PGLYRP4: variants seen among roughly 807,000 people sequenced by gnomAD.
PGLYRP4 encodes the protein peptidoglycan recognition protein 4.
Under a neutral mutation model 41.2 loss-of-function variants are expected in PGLYRP4, and 39 were observed. That is an observed-to-expected ratio of 0.95 (90% CI 0.73 to 1.24). The LOEUF (loss-of-function observed/expected upper bound fraction) is 1.24. Ranked by LOEUF, PGLYRP4 falls within the 50% of genes most tolerant of loss-of-function variation. The probability of loss-of-function intolerance (pLI) is 0.00; values close to 1 mark genes in which losing one functional copy is unlikely to be tolerated. For synonymous variants in PGLYRP4, 202 were observed against 186.8 expected (o/e 1.08, Z -0.66); for missense variants, 467 against 460.7 (o/e 1.01, Z -0.13).
chr1:153,347,012 A>G (rs1373309606), intron 2 of PGLYRP4, among the ~76,000 whole-genome samples: 2 of 152,136 alleles, frequency 1.3e-5, no homozygotes, highest in African/African-American at 2.4e-5. Flanking sequence ...CTCTATGTAC[A>G]ATCTATTCTT....
chr1:153,340,425 CTG>C lies in PGLYRP4; in HGVS notation c.778_779del (p.Gln260ValfsTer15). The C allele has an allele frequency of 6.2e-7, 1 of 1,614,204 alleles. No individual in the cohort carries two copies. The highest frequency in any genetic ancestry group is 1.1e-5 in the South Asian group (1 of 91,078). On this transcript the variant is annotated frameshift_variant, in exon 7 of 9. Transcript: ENST00000359650. LOFTEE classifies it high-confidence loss of function. ...ACTTGAGCCTGTCTATGTAGAAAGA[CTG>C]GATGTCCCGGACCAGCAGGCGGCAC... Reference protein sequence around the residue: ...DECRLLVRDIQSFYIDRLKSC... With the variant: ...DECRLLVRDIXSFYIDRLKSC...
chr1:153,343,302 T>C lies in PGLYRP4; in HGVS notation c.354-94A>G. ...ACCCAGCCTCAAAATGGAGAAGGACTGAAGCTATGTTCACTAAAAGGAATT... is the reference window on the plus strand; with the variant it reads ...ACCCAGCCTCAAAATGGAGAAGGACCGAAGCTATGTTCACTAAAAGGAATT... On this transcript the variant is annotated intron_variant, in intron 4 of 8. Coordinates refer to ENST00000359650, the MANE Select transcript of PGLYRP4 (RefSeq NM_020393.4). The C allele has an allele frequency of 6.2e-6, 5 of 808,328 alleles. No individual in the cohort carries two copies. The South Asian group carries it at 6.5e-5, about 11-fold the overall frequency. 50.1% of individuals were successfully genotyped at this position (808,328 alleles called of 1,614,324 possible). A position where few individuals can be genotyped will look rare whatever the true frequency, so the allele number is the denominator to read the frequency against.
intron 4 of PGLYRP4, 83 bp from the exon 5 acceptor site, chr1:153,343,291 T>C: frequency 1.1e-6 from 1 of 887,538 alleles, no homozygotes; most frequent in African/African-American, 1.7e-5. Flanking sequence ...AGCCTCAAAA[T>C]GGAGAAGGAC....
At chr1:153,335,011 A>C (rs1362683999) in intron 8 of PGLYRP4, among the ~76,000 whole-genome samples, 1 of 152,128 alleles carries the variant, frequency 6.6e-6, no homozygotes, top group South Asian at 2.1e-4. Context: ...ATGCAGAAGA[A>C]TGAAACTAGA....
At chr1:153,345,773 G>A (rs1269337501) in intron 3 of PGLYRP4, among the ~76,000 whole-genome samples, 1 of 152,130 alleles carries the variant, frequency 6.6e-6, no homozygotes, top group Non-Finnish European at 1.5e-5. Flanking sequence ...TTCCCTGAGG[G>A]GACTGCATCT....
intron 7 of PGLYRP4, among the ~76,000 whole-genome samples, chr1:153,337,505 G>A (rs12139503): frequency 0.4 from 60,584 of 152,094 alleles, 12,757 homozygotes; most frequent in Non-Finnish European, 0.47. Context: ...GCAGGGTAGG[G>A]AGAGGGAATC....
intron 7 of PGLYRP4, 105 bp downstream of exon 7, chr1:153,340,276 C>A: frequency 9.9e-7 from 1 of 1,007,622 alleles, no homozygotes; most frequent in South Asian, 1.4e-5. Flanking sequence ...AGTGCCTCTC[C>A]TATGGTGACT....
chr1:153,344,233 C>T (rs989270251), intron 4 of PGLYRP4, among the ~76,000 whole-genome samples: 1 of 152,190 alleles, frequency 6.6e-6, no homozygotes, highest in African/African-American at 2.4e-5. Context: ...CCTCGACTGT[C>T]GAGCCACCTT....
chr1:153,337,021 C>G (rs1660595329), intron 8 of PGLYRP4, among the ~76,000 whole-genome samples, 160 bp downstream of exon 8: 1 of 152,190 alleles, frequency 6.6e-6, no homozygotes, highest in Non-Finnish European at 1.5e-5. Flanking sequence ...GGGGTCACCT[C>G]TGGTCACACT....
intron 8 of PGLYRP4, among the ~76,000 whole-genome samples, chr1:153,334,382 C>A (rs1660456892): frequency 6.8e-6 from 1 of 147,994 alleles, no homozygotes. Context: ...TATATGTATT[C>A]CTAGTGTGTA....
chr1:153,347,013 A>G lies in PGLYRP4; in HGVS notation c.50-822T>C, dbSNP rs1020106820. On this transcript the variant is annotated intron_variant, in intron 2 of 8. Coordinates refer to ENST00000359650, the MANE Select transcript of PGLYRP4 (RefSeq NM_020393.4). ...CTCCAAGTTCTGTGCTCTATGTACA[A>G]TCTATTCTTTCTCCTTAAGAGAGAG... 2.6e-5 allele frequency among the ~76,000 whole-genome samples: 4 copies of G among 152,156 alleles called. No individual in the cohort carries two copies. The South Asian group carries it at 6.2e-4, about 24-fold the overall frequency.
intron 8 of PGLYRP4, among the ~76,000 whole-genome samples, chr1:153,334,478 TTA>T (rs1660467850): frequency 1.6e-5 from 2 of 122,250 alleles, no homozygotes; most frequent in South Asian, 2.4e-4. Flanking sequence ...TTATATATAT[TTA>T]TATATATATA....
In PGLYRP4 at chr1:153,342,515, G is replaced by A. The variant is rs117229228; in HGVS notation, c.472+575C>T. On this transcript the variant is annotated intron_variant, in intron 5 of 8. Transcript: ENST00000359650. Reference sequence around the variant, plus strand: ...CTAGGTATGTAAGATCTCTGTTAACGGGAAAGGGTACACAAATTCAAAGGA... The same window carrying A: ...CTAGGTATGTAAGATCTCTGTTAACAGGAAAGGGTACACAAATTCAAAGGA... 2.8e-3 allele frequency among the ~76,000 whole-genome samples: 432 copies of A among 152,270 alleles called. 13 individuals are homozygous for A. The East Asian group carries it at 0.065, about 23-fold the overall frequency.
intron 2 of PGLYRP4, 63 bp from the exon 3 acceptor site, chr1:153,346,254 G>A: frequency 8.1e-7 from 1 of 1,228,248 alleles, no homozygotes; most frequent in Non-Finnish European, 1.2e-6. Context: ...GGTGGCACCA[G>A]CTCTGAACAG....
At chr1:153,333,241 C>T (rs1464672847) in intron 8 of PGLYRP4, among the ~76,000 whole-genome samples, 1 of 152,068 alleles carries the variant, frequency 6.6e-6, no homozygotes, top group Non-Finnish European at 1.5e-5. Context: ...GGTTGCATTA[C>T]AGTTGATACC....
At position 153,346,141 on chromosome 1, in the gene PGLYRP4, G is replaced by A; in HGVS notation, c.100C>T (p.Gln34Ter). ...TQAKQVSEGLQYLFENISQLT... is the reference protein window; with the variant it reads ...TQAKQVSEGL ...TGGGAGATGTTCTCAAATAGGTACTGGAGCCCCTCTGATACCTGTTTAGCT... is the reference window on the plus strand; with the variant it reads ...TGGGAGATGTTCTCAAATAGGTACTAGAGCCCCTCTGATACCTGTTTAGCT... Residue 34 changes from glutamine (Q) to a stop codon, truncating the protein, a stop_gained, in exon 3 of 9, where the codon CAG (glutamine) becomes TAG (stop). Coordinates refer to ENST00000359650, the MANE Select transcript of PGLYRP4 (RefSeq NM_020393.4). LOFTEE classifies it high-confidence loss of function. The A allele has an allele frequency of 6.2e-7, 1 of 1,614,036 alleles. No homozygotes were observed. Among genetic ancestry groups the A allele is most frequent in the Non-Finnish European group, 8.5e-7 (1 of 1,179,900 alleles).
chr1:153,342,297 T>G (rs1258032447), intron 5 of PGLYRP4, among the ~76,000 whole-genome samples: 5 of 151,776 alleles, frequency 3.3e-5, no homozygotes, highest in Non-Finnish European at 5.9e-5. Flanking sequence ...AAACACAGAG[T>G]CCTCTGGAGT....
At chr1:153,335,583 G>A (rs1660520812) in intron 8 of PGLYRP4, among the ~76,000 whole-genome samples, 1 of 152,050 alleles carries the variant, frequency 6.6e-6, no homozygotes, top group South Asian at 2.1e-4. Context: ...AAATTAGCTG[G>A]GTGTGGTGGC....
intron 5 of PGLYRP4, among the ~76,000 whole-genome samples, chr1:153,342,048 C>CAGCA (rs1329537110): frequency 6.6e-6 from 1 of 152,174 alleles, no homozygotes; most frequent in Non-Finnish European, 1.5e-5. Flanking sequence ...GCACCAAGCC[C>CAGCA]AGCAGCACCC....
Sources: gnomAD v4.1 joint callset for allele counts (sites outside exome capture counted in the v4.1 genomes callset) on GRCh38, gnomAD v4.1.1 for gene constraint, MANE v1.5 for transcripts, NCBI Gene and HGNC (gene_info 2026-07-23, HGNC 2026-07-21) for gene names.